The following TTC6 variants were observed in gnomAD, a reference collection of about 807,000 sequenced individuals.
TTC6 encodes tetratricopeptide repeat protein 6.
In TTC6, 172 loss-of-function variants were observed where a neutral mutation model predicts 210.4. The observed-to-expected ratio is 0.82, with a 90% CI of 0.72 to 0.93. The LOEUF (loss-of-function observed/expected upper bound fraction) is 0.93. Among genes scored for constraint, TTC6 ranks in the 40% least tolerant of loss-of-function variants. The pLI is 0.00. For synonymous variants in TTC6, 804 were observed against 819.6 expected (o/e 0.98, Z 0.32); for missense variants, 2,414 against 2,318.1 (o/e 1.04, Z -0.85).
intron 3 of TTC6, among the ~76,000 whole-genome samples, chr14:37,692,019 A>C (rs1427854418): frequency 6.6e-6 from 1 of 151,918 alleles, no homozygotes; most frequent in East Asian, 1.9e-4. Context: ...ACAGGTAACA[A>C]GATCAAATCC....
intron 29 of TTC6, among the ~76,000 whole-genome samples, chr14:37,839,027 C>T (rs2096204223): frequency 6.6e-6 from 1 of 152,164 alleles, no homozygotes; most frequent in African/African-American, 2.4e-5. Flanking sequence ...TGTATATGTG[C>T]CACATTTGCT....
chr14:37,775,064 G>T (rs1248623630), intron 14 of TTC6, among the ~76,000 whole-genome samples: 1 of 152,036 alleles, frequency 6.6e-6, no homozygotes, highest in Non-Finnish European at 1.5e-5. Context: ...TTTTCTGTGA[G>T]GTCAGTGATG....
chr14:37,751,095 AC>A lies in TTC6; in HGVS notation c.3000del (p.Asp1000GlufsTer2). On this transcript the variant is annotated frameshift_variant, in exon 13 of 31. Coordinates refer to ENST00000553443, the Ensembl canonical transcript of TTC6. LOFTEE classifies it high-confidence loss of function. ...GCAGAAATTTACAGGGGAAAAAAAG[AC>A]ATAACTTTGGCAATTCTAAACTATA... 6.6e-7 allele frequency: 1 copy of A among 1,526,002 alleles called. No individual in the cohort carries two copies. Among genetic ancestry groups the A allele is most frequent in the Non-Finnish European group, 8.8e-7 (1 of 1,141,350 alleles). The allele number at this position is 1,526,002 out of a possible 1,614,324, so 94.5% of individuals were successfully genotyped here. A position where few individuals can be genotyped will look rare whatever the true frequency, so the allele number is the denominator to read the frequency against.
intron 14 of TTC6, among the ~76,000 whole-genome samples, chr14:37,761,373 G>A (rs919761658): frequency 6.6e-6 from 1 of 151,900 alleles, no homozygotes; most frequent in Non-Finnish European, 1.5e-5. Context: ...ACCTCAGTGG[G>A]AAATGCAGAA....
intron 10 of TTC6, among the ~76,000 whole-genome samples, chr14:37,743,671 G>A (rs764579192): frequency 1.8e-4 from 27 of 152,312 alleles, no homozygotes; most frequent in Non-Finnish European, 1.6e-4. Context: ...ATAATGAGAA[G>A]GGATTTGTGG....
chr14:37,635,243 A>G (rs2095677891), intron 1 of TTC6, among the ~76,000 whole-genome samples: 1 of 152,198 alleles, frequency 6.6e-6, no homozygotes, highest in Admixed American at 6.5e-5. Flanking sequence ...AATTGGAACA[A>G]TTTCCATTCT....
upstream of TTC6, among the ~76,000 whole-genome samples, chr14:37,621,745 C>G (rs112804493): frequency 2.0e-5 from 3 of 152,224 alleles, no homozygotes; most frequent in African/African-American, 7.2e-5. Context: ...TAGTATGATG[C>G]TGCTTGCCTG....
chr14:37,729,042 T>C (rs539818761), intron 7 of TTC6, among the ~76,000 whole-genome samples: 2 of 152,320 alleles, frequency 1.3e-5, no homozygotes, highest in South Asian at 2.1e-4. Context: ...TAATTTATAT[T>C]ATTCTACATC....
intron 1 of TTC6, 62 bp downstream of exon 3, chr14:37,623,065 G>C: frequency 8.3e-7 from 1 of 1,204,456 alleles, no homozygotes; most frequent in Non-Finnish European, 1.1e-6. Context: ...CATTACATAT[G>C]TAAGAGTAGT....
intron 14 of TTC6, among the ~76,000 whole-genome samples, chr14:37,782,768 C>T (rs1183926417): frequency 3.3e-5 from 5 of 152,136 alleles, no homozygotes; most frequent in Non-Finnish European, 7.4e-5. Context: ...GTGGGTTTGT[C>T]ATAAATGGCT....
intron 3 of TTC6, among the ~76,000 whole-genome samples, chr14:37,690,802 T>A (rs954836812): frequency 4.0e-5 from 6 of 151,794 alleles, no homozygotes; most frequent in African/African-American, 1.5e-4. Context: ...ACCTACAGCA[T>A]TGGACAGGTC....
At chr14:37,683,023 T>G in intron 3 of TTC6, 59 bp downstream of exon 5, 1 of 1,479,408 alleles carries the variant, frequency 6.8e-7, no homozygotes, top group Non-Finnish European at 9.1e-7. Flanking sequence ...GATGTGCAGG[T>G]GTGAAGAATT....
chr14:37,627,460 C>G (rs918993068), intron 1 of TTC6, among the ~76,000 whole-genome samples: 5 of 151,976 alleles, frequency 3.3e-5, no homozygotes, highest in African/African-American at 9.7e-5. Context: ...CCTAGCCCCC[C>G]ACCCCCTGAC....
chr14:37,788,404 G>T (rs887576983), intron 15 of TTC6, among the ~76,000 whole-genome samples: 4 of 152,070 alleles, frequency 2.6e-5, no homozygotes, highest in African/African-American at 9.7e-5. Context: ...TAGAGATGAA[G>T]AGACAACTAG....
At chr14:37,712,159 A>G (rs1345777193) in intron 5 of TTC6, among the ~76,000 whole-genome samples, 1 of 152,158 alleles carries the variant, frequency 6.6e-6, no homozygotes, top group African/African-American at 2.4e-5. Context: ...GATGACCTTC[A>G]CTTTCTTCCA....
At chr14:37,686,805 C>CA (rs1224290832) in intron 3 of TTC6, among the ~76,000 whole-genome samples, 1 of 152,186 alleles carries the variant, frequency 6.6e-6, no homozygotes, top group Non-Finnish European at 1.5e-5. Context: ...ACTTATCTCC[C>CA]ACTGGGTCTC....
rs1225994255 is a variant in TTC6 at position 37,807,302 on chromosome 14, C to G, written c.4315-18C>G. 6.8e-7 allele frequency: 1 copy of G among 1,480,836 alleles called. No homozygotes were observed. Among genetic ancestry groups the G allele is most frequent in the Non-Finnish European group, 9.0e-7 (1 of 1,108,166 alleles). The allele number at this position is 1,480,836 out of a possible 1,614,324, so 91.7% of individuals were successfully genotyped here. A position where few individuals can be genotyped will look rare whatever the true frequency, so the allele number is the denominator to read the frequency against. ...ACTAAAGCATCCATTCCTGCTTTCT[C>G]TCTCTCTCTCTGAATAGGCATATTT... is the stretch of plus-strand genomic sequence containing the variant. On this transcript the variant is annotated intron_variant, in intron 22 of 30. Coordinates refer to ENST00000553443, the Ensembl canonical transcript of TTC6.
At chr14:37,670,474 C>CTTTTTTTTT (rs66725764) in intron 1 of TTC6, among the ~76,000 whole-genome samples, 9 of 121,312 alleles carry the variant, frequency 7.4e-5, no homozygotes, top group Non-Finnish European at 1.0e-4. Context: ...AACTACCTCA[C>CTTTTTTTTT]TTTTTTTTTT....
intron 5 of TTC6, among the ~76,000 whole-genome samples, chr14:37,707,125 C>T (rs2138714689): frequency 6.6e-6 from 1 of 152,058 alleles, no homozygotes; most frequent in Non-Finnish European, 1.5e-5. Context: ...CTGAAACCAA[C>T]CTGTTTTTCA....
Sources: gnomAD v4.1 joint callset for allele counts (sites outside exome capture counted in the v4.1 genomes callset) on GRCh38, gnomAD v4.1.1 for gene constraint, MANE v1.5 for transcripts, NCBI Gene and HGNC (gene_info 2026-07-23, HGNC 2026-07-21) for gene names.